Variants in SEPTIN8 observed in about 807,000 individuals in gnomAD.
The protein encoded by SEPTIN8 is septin-8.
SEPTIN8 carries 22 observed loss-of-function variants against 53.1 expected under a neutral mutation model. The ratio of observed to expected loss-of-function variants is 0.41; its 90% confidence interval spans 0.30 to 0.59. The LOEUF (loss-of-function observed/expected upper bound fraction) is 0.59, where lower values mean the gene tolerates loss of function less well. SEPTIN8 is among the 20% of genes least tolerant of loss of function. SEPTIN8 has a pLI of 0.24. For missense variants in SEPTIN8, 536 were observed against 638.7 expected (o/e 0.84, Z 1.73); for synonymous variants, 228 against 248.4 (o/e 0.92, Z 0.77).
rs1467108874 is a variant in SEPTIN8 at position 132,751,733 on chromosome 5, G to C, written c.*283C>G. 1.7e-6 allele frequency: 1 copy of C among 585,098 alleles called. No homozygotes were observed. The highest frequency in any genetic ancestry group is 2.8e-5 in the East Asian group (1 of 35,178). 36.2% of individuals were successfully genotyped at this position (585,098 alleles called of 1,614,324 possible). The stretch of plus-strand genomic sequence containing the variant: ...CATCTAGGTACTTTCCGCTCATAAC[G>C]ATGATGTCACAAAGCAGACTTTTTT... On this transcript the variant is annotated 3_prime_UTR_variant, in exon 10 of 10. Transcript: ENST00000378719.
chr5:132,760,336 G>A lies in SEPTIN8; in HGVS notation c.1286+466C>T, dbSNP rs1755772862. On this transcript the variant is annotated intron_variant, in intron 9 of 9. Coordinates refer to ENST00000378719, the MANE Select transcript of SEPTIN8 (RefSeq NM_001098811.2). This position sits in a 1 kb window ranked among gnomAD's most constrained non-coding sequence, Gnocchi z 5.2. The stretch of plus-strand genomic sequence containing the variant: ...ATTCCCAGGTCCTGTCCCGCCCCTG[G>A]CCTGAAAGACCATTCCCAGCATTCC... Among the ~76,000 whole-genome samples the A allele has an allele frequency of 6.6e-6, 1 of 152,100 alleles. No homozygotes were observed. Among genetic ancestry groups the A allele is most frequent in the African/African-American group, 2.4e-5 (1 of 41,432 alleles).
chr5:132,758,010 T>A, intron 9 of SEPTIN8: 4 of 989,164 alleles, frequency 4.0e-6, no homozygotes, highest in Non-Finnish European at 4.8e-6. Flanking sequence ...ATGGAGTTGG[T>A]CCCTGTCTAC....
intron 1 of SEPTIN8, among the ~76,000 whole-genome samples, chr5:132,771,882 A>AGGGG (rs1757355550): frequency 4.0e-5 from 1 of 25,138 alleles, no homozygotes; most frequent in Admixed American, 4.6e-4. Flanking sequence ...CATACGTGGG[A>AGGGG]GGGTGGGGGT....
chr5:132,752,201 A>G lies in SEPTIN8; in HGVS notation c.1287-20T>C, dbSNP rs750858553. 2 of 1,562,876 alleles carry G rather than the reference A, an allele frequency of 1.3e-6. No individual in the cohort carries two copies. Among genetic ancestry groups the G allele is most frequent in the Admixed American group, 3.8e-5 (2 of 52,494 alleles). On this transcript the variant is annotated intron_variant, in intron 9 of 9. Transcript: ENST00000378719. Reference sequence around the variant, plus strand: ...GATCTGCTAAAGAAAGCACAGGTAGACATCAACTTTGCCCCAGACCAGGCT... The same window carrying G: ...GATCTGCTAAAGAAAGCACAGGTAGGCATCAACTTTGCCCCAGACCAGGCT...
At chr5:132,765,693 A>G (rs1161369522) in intron 1 of SEPTIN8, among the ~76,000 whole-genome samples, 164 bp from the exon 2 acceptor site, 1 of 152,240 alleles carries the variant, frequency 6.6e-6, no homozygotes, top group East Asian at 1.9e-4. Context: ...CACCAACTCC[A>G]GGCCAAGTTT....
intron 9 of SEPTIN8, among the ~76,000 whole-genome samples, chr5:132,755,114 C>T (rs1581133082): frequency 6.6e-6 from 1 of 152,150 alleles, no homozygotes; most frequent in African/African-American, 2.4e-5. Context: ...CTTTGCCTCC[C>T]TGCTGCCTGC....
chr5:132,751,850 G>T lies in SEPTIN8; in HGVS notation c.*166C>A. 2 of 1,252,808 alleles carry T rather than the reference G, an allele frequency of 1.6e-6. No individual in the cohort carries two copies. Among genetic ancestry groups the T allele is most frequent in the Non-Finnish European group, 2.2e-6 (2 of 904,824 alleles). The allele number at this position is 1,252,808 out of a possible 1,614,324, so 77.6% of individuals were successfully genotyped here. ...ACGGAGCCATGGATAGGAATGAAAA[G>T]GGTTGGGCAACATTTGATGTTCCCT... On this transcript the variant is annotated 3_prime_UTR_variant, in exon 10 of 10. Coordinates refer to ENST00000378719, the MANE Select transcript of SEPTIN8 (RefSeq NM_001098811.2).
At chr5:132,775,219 G>C (rs775301518) in intron 1 of SEPTIN8, among the ~76,000 whole-genome samples, 15 of 152,200 alleles carry the variant, frequency 9.9e-5, no homozygotes, top group Non-Finnish European at 2.2e-4. Flanking sequence ...CCCAGGGGAA[G>C]GCTTGACCAG....
At chr5:132,777,361 CCGGAG>C, upstream of SEPTIN8, 1 of 1,037,914 alleles carries the variant, frequency 9.6e-7, no homozygotes, top group Non-Finnish European at 1.2e-6. This position sits in a 1 kb window ranked among gnomAD's most constrained non-coding sequence, Gnocchi z 4.1. Context: ...ACGAGCGCAG[CCGGAG>C]CCCCGCCGCT....
intron 1 of SEPTIN8, among the ~76,000 whole-genome samples, chr5:132,772,565 A>G (rs1237036926): frequency 6.6e-6 from 1 of 152,150 alleles, no homozygotes; most frequent in Non-Finnish European, 1.5e-5. Context: ...CTGGCAGGAG[A>G]AGGCAGCCTC....
intron 1 of SEPTIN8, among the ~76,000 whole-genome samples, chr5:132,772,517 C>T (rs1227562204): frequency 6.6e-6 from 1 of 152,174 alleles, no homozygotes; most frequent in Non-Finnish European, 1.5e-5. Context: ...GCCACCACTG[C>T]CTTGTAACAG....
In SEPTIN8 at chr5:132,760,860, A is replaced by G. The variant is rs1246157772; in HGVS notation, c.1228T>C (p.Ser410Pro). 1 of 1,613,724 alleles carries G rather than the reference A, an allele frequency of 6.2e-7. No homozygotes were observed. ...TGCGAGGTGGCGTGCAAGGCCTGCG[A>G]CTGCAGGGCCTCCACCGCAGCCTTC... ...RRKAAVEALQ[S>P]QALHATSQQP... The change falls in exon 9 of 10, where the codon TCG becomes CCG. Residue 410 changes from serine to proline, a missense_variant. Ser to Pro is a moderately conservative substitution (Grantham distance 74). Coordinates refer to ENST00000378719, the MANE Select transcript of SEPTIN8 (RefSeq NM_001098811.2). The surrounding 1 kb of genome is among the most constrained non-coding windows in gnomAD (Gnocchi z 5.2).
intron 9 of SEPTIN8, chr5:132,758,682 G>A: frequency 2.5e-6 from 4 of 1,597,926 alleles, no homozygotes; most frequent in South Asian, 1.1e-5. Context: ...GGAAAGCAAG[G>A]CTGTAAACAC....
At position 132,751,255 on chromosome 5, in the gene SEPTIN8, TTC is replaced by T; in HGVS notation, c.*759_*760del. ...TTTAGACGGCACTATTATGGTGAGT[TTC>T]TCTTTTAAATACACACTGCAAAAAT... On this transcript the variant is annotated 3_prime_UTR_variant, in exon 10 of 10. Coordinates refer to ENST00000378719, the MANE Select transcript of SEPTIN8 (RefSeq NM_001098811.2). 1 of 396,634 alleles carries T rather than the reference TTC, an allele frequency of 2.5e-6. No homozygotes were observed. Among genetic ancestry groups the T allele is most frequent in the Non-Finnish European group, 4.5e-6 (1 of 223,612 alleles). 24.6% of individuals were successfully genotyped at this position (396,634 alleles called of 1,614,324 possible).
At position 132,750,986 on chromosome 5, in the gene SEPTIN8, T is replaced by A; in HGVS notation, c.*1030A>T. On this transcript the variant is annotated 3_prime_UTR_variant, in exon 10 of 10. Transcript: ENST00000378719. ...CCTCTATATTGGGACGCCGCTGGAC[T>A]TCTTGACTATAGTGAGTAAGGAGGT... 6.2e-7 allele frequency: 1 copy of A among 1,613,698 alleles called. No homozygotes were observed. The highest frequency in any genetic ancestry group is 1.1e-5 in the South Asian group (1 of 90,890).
At chr5:132,777,888 G>A, upstream of SEPTIN8, 1 of 985,510 alleles carries the variant, frequency 1.0e-6, no homozygotes, top group Non-Finnish European at 1.2e-6. This position sits in a 1 kb window ranked among gnomAD's most constrained non-coding sequence, Gnocchi z 4.1. Flanking sequence ...AGTTTAGGCT[G>A]GGATTCCTGC....
upstream of SEPTIN8, among the ~76,000 whole-genome samples, chr5:132,778,849 CTGAAT>C (rs1471726471): frequency 6.6e-6 from 1 of 152,208 alleles, no homozygotes; most frequent in Non-Finnish European, 1.5e-5. Flanking sequence ...GTGGTCAATA[CTGAAT>C]TGATCATCCT....
Position 132,752,111 on chromosome 5 carries a change from T to C in SEPTIN8, c.1357A>G (p.Ser453Gly), listed in dbSNP as rs776433041. 1.0e-5 allele frequency: 16 copies of C among 1,599,336 alleles called. No homozygotes were observed. In the East Asian group the frequency reaches 3.6e-4, roughly 36 times the overall value. The change falls in exon 10 of 10, where the codon AGT (serine) becomes GGT (glycine). Residue 453 changes from serine to glycine, a missense_variant. This residue lies in a region of SEPTIN8 where 133 missense variants were observed against 157.4 expected (regional missense o/e 0.84). Transcript: ENST00000378719. Reference sequence around the variant, plus strand: ...CTGCTGCAGTTCAAGGGCTCCACACTGGCCTTGGTCATCATCACCTTAGAG... The same window carrying C: ...CTGCTGCAGTTCAAGGGCTCCACACCGGCCTTGGTCATCATCACCTTAGAG... ...SSSKVMMTKASVEPLNCSSWW... is the reference protein window; with the variant it reads ...SSSKVMMTKAGVEPLNCSSWW...
rs546292477 is a variant in SEPTIN8 at position 132,762,529 on chromosome 5, G to A, written c.651C>T (p.Phe217=). The change falls in exon 5 of 10, where the codon TTC becomes TTT. Residue 217 remains phenylalanine, a synonymous_variant. Transcript: ENST00000378719. ...LVSNGVQIYQ[F]PTDDEAVAEI... ...CTGCAACAGCCTCATCATCCGTGGG[G>A]AACTGGTAGATCTGGACCCCGTTGC... The A allele has an allele frequency of 7.4e-6, 12 of 1,614,246 alleles. No individual in the cohort carries two copies. Among genetic ancestry groups the A allele is most frequent in the East Asian group, 6.7e-5 (3 of 44,892 alleles).
Sources: allele counts gnomAD v4.1 joint callset (sites outside exome capture counted in the v4.1 genomes callset), GRCh38; gene constraint gnomAD v4.1.1; regional missense constraint gnomAD v4.1.1; non-coding constraint Gnocchi (gnomAD v3.1); transcripts MANE v1.5; gene names NCBI Gene and HGNC (gene_info 2026-07-23, HGNC 2026-07-21).